SEC24D: variants seen among roughly 807,000 people sequenced by gnomAD.
The protein encoded by SEC24D is protein transport protein Sec24D.
SEC24D carries 69 observed loss-of-function variants against 116.9 expected under a neutral mutation model. That is an observed-to-expected ratio of 0.59 (90% CI 0.49 to 0.72). The LOEUF (loss-of-function observed/expected upper bound fraction) is 0.72. SEC24D is among the 30% of genes least tolerant of loss of function. SEC24D has a pLI of 0.00. For synonymous variants in SEC24D, 405 were observed against 442.8 expected, an observed-to-expected ratio of 0.91 and a Z score of 1.07; for missense variants, 1,131 against 1,264.1, an observed-to-expected ratio of 0.89 and a Z score of 1.60.
At chr4:118,819,855 C>G (rs1439607826) in intron 3 of SEC24D, among the ~76,000 whole-genome samples, 1 of 151,988 alleles carries the variant, frequency 6.6e-6, no homozygotes, top group East Asian at 1.9e-4. Context: ...TTTTTTTTAA[C>G]TTAACAAAGG....
intron 2 of SEC24D, among the ~76,000 whole-genome samples, chr4:118,833,104 A>AT (rs1370237588): frequency 1.3e-5 from 2 of 152,192 alleles, no homozygotes; most frequent in African/African-American, 4.8e-5. Flanking sequence ...TGGATCCCAG[A>AT]TATCTAAGCT....
At chr4:118,770,223 C>T (rs1464849031) in intron 8 of SEC24D, among the ~76,000 whole-genome samples, 2 of 152,184 alleles carry the variant, frequency 1.3e-5, no homozygotes, top group African/African-American at 4.8e-5. Flanking sequence ...ATACACCACT[C>T]TTTCAGACAA....
chr4:118,762,378 G>C (rs376309261), intron 10 of SEC24D, among the ~76,000 whole-genome samples: 3 of 152,044 alleles, frequency 2.0e-5, no homozygotes, highest in African/African-American at 7.2e-5. Context: ...GCACTTACGC[G>C]GTCTCTAAGC....
At position 118,751,176 on chromosome 4, in the gene SEC24D, C is replaced by CTTTT. The variant is rs1185148886; in HGVS notation, c.1707+816_1707+819dup. On this transcript the variant is annotated intron_variant, in intron 13 of 22. Transcript: ENST00000280551. ...TAATAATGATGATTTAGAGTGAGGG[C>CTTTT]TTTTTTTTTTTTTTTTTTTGAGATG... Among the ~76,000 whole-genome samples, 18 of 100,320 alleles carry CTTTT rather than the reference C, an allele frequency of 1.8e-4. 1 individual carries two copies. The highest frequency in any genetic ancestry group is 5.1e-4 in the African/African-American group (15 of 29,148). The allele number at this position is 100,320 out of a possible 152,430, so 65.8% of individuals were successfully genotyped here. A position where few individuals can be genotyped will look rare whatever the true frequency, so the allele number is the denominator to read the frequency against.
chr4:118,806,030 G>C (rs1578457306), intron 6 of SEC24D, 76 bp from the exon 7 acceptor site: 1 of 874,930 alleles, frequency 1.1e-6, no homozygotes, highest in Non-Finnish European at 1.8e-6. Flanking sequence ...GAGTACCCTT[G>C]CTCTCTCCTC....
chr4:118,741,182 T>G, intron 15 of SEC24D, 145 bp from the exon 16 acceptor site: 1 of 468,104 alleles, frequency 2.1e-6, no homozygotes, highest in Non-Finnish European at 3.8e-6. Context: ...CTTCTTTGGT[T>G]AAAGAAAATA....
At chr4:118,835,911 A>C (rs1196751137) in intron 1 of SEC24D, 30 bp downstream of exon 1, 1 of 152,184 alleles carries the variant, frequency 6.6e-6, no homozygotes, top group Non-Finnish European at 1.5e-5. Flanking sequence ...GCTGTCCCGC[A>C]TGAAGGCGTC....
chr4:118,832,680 T>C (rs1415839050), intron 2 of SEC24D, among the ~76,000 whole-genome samples: 2 of 152,214 alleles, frequency 1.3e-5, no homozygotes, highest in Non-Finnish European at 2.9e-5. Flanking sequence ...CAAAAATAAC[T>C]TACTGCATAG....
At chr4:118,781,264 C>G (rs1426625441) in intron 8 of SEC24D, among the ~76,000 whole-genome samples, 1 of 152,072 alleles carries the variant, frequency 6.6e-6, no homozygotes, top group Non-Finnish European at 1.5e-5. Context: ...CCTTCAGGAG[C>G]TCTTTTAGGG....
intron 22 of SEC24D, among the ~76,000 whole-genome samples, chr4:118,727,567 T>C (rs1725476266): frequency 6.6e-6 from 1 of 152,012 alleles, no homozygotes; most frequent in Non-Finnish European, 1.5e-5. Flanking sequence ...GCATTCTAAA[T>C]ACCAGTGGCT....
intron 20 of SEC24D, among the ~76,000 whole-genome samples, chr4:118,732,103 G>A (rs1725718636): frequency 6.6e-6 from 1 of 152,058 alleles, no homozygotes; most frequent in East Asian, 1.9e-4. Flanking sequence ...GGAAATCCTG[G>A]AGTGTTTTGA....
chr4:118,767,223 A>G (rs1727684334), intron 9 of SEC24D, among the ~76,000 whole-genome samples: 1 of 152,226 alleles, frequency 6.6e-6, no homozygotes, highest in Admixed American at 6.5e-5. Flanking sequence ...TGGCAGGGAA[A>G]TAAGAAGGCA....
intron 10 of SEC24D, among the ~76,000 whole-genome samples, chr4:118,763,939 C>T (rs1727512657): frequency 6.6e-6 from 1 of 152,100 alleles, no homozygotes; most frequent in African/African-American, 2.4e-5. Flanking sequence ...ATGATAAAGA[C>T]AGAGAAAGTT....
At chr4:118,769,072 C>T (rs1727777980) in intron 8 of SEC24D, among the ~76,000 whole-genome samples, 1 of 152,136 alleles carries the variant, frequency 6.6e-6, no homozygotes, top group African/African-American at 2.4e-5. Context: ...GTAGTTCCCC[C>T]AAAGCACATA....
At chr4:118,790,552 T>C (rs1164671863) in intron 8 of SEC24D, among the ~76,000 whole-genome samples, 1 of 152,138 alleles carries the variant, frequency 6.6e-6, no homozygotes, top group Non-Finnish European at 1.5e-5. Flanking sequence ...GAATTAATTA[T>C]ACTGGCTGTG....
chr4:118,761,102 C>T (rs540670264), intron 10 of SEC24D, among the ~76,000 whole-genome samples: 26 of 152,198 alleles, frequency 1.7e-4, no homozygotes, highest in African/African-American at 5.3e-4. Flanking sequence ...TTCTAATGTT[C>T]CCTTGCCTCT....
chr4:118,789,450 G>C (rs1259285165), intron 8 of SEC24D, among the ~76,000 whole-genome samples: 1 of 152,186 alleles, frequency 6.6e-6, no homozygotes, highest in Non-Finnish European at 1.5e-5. Flanking sequence ...TTCCTTTCTT[G>C]TTAACTCCAT....
chr4:118,758,739 T>C (rs1364417735), intron 10 of SEC24D: 1 of 152,192 alleles, frequency 6.6e-6, no homozygotes, highest in Non-Finnish European at 1.5e-5. Context: ...ACAATGTCTG[T>C]AAATTATCTT....
At chr4:118,769,011 A>G (rs1275591548) in intron 8 of SEC24D, among the ~76,000 whole-genome samples, 3 of 152,202 alleles carry the variant, frequency 2.0e-5, no homozygotes, top group African/African-American at 7.2e-5. Flanking sequence ...AAATAAAGAG[A>G]GTTGGGCCTG....
Sources: gnomAD v4.1 joint callset for allele counts (sites outside exome capture counted in the v4.1 genomes callset) on GRCh38, gnomAD v4.1.1 for gene constraint, MANE v1.5 for transcripts, NCBI Gene and HGNC (gene_info 2026-07-23, HGNC 2026-07-21) for gene names.